Variants in EPB41L1 observed in about 807,000 individuals in gnomAD.
The protein encoded by EPB41L1 is erythrocyte membrane protein band 4.1 like 1.
A neutral mutation model predicts 97.8 loss-of-function variants in EPB41L1; 29 were observed. The ratio of observed to expected loss-of-function variants is 0.30; its 90% CI spans 0.22 to 0.40. The LOEUF (loss-of-function observed/expected upper bound fraction) is 0.40, where lower values mean the gene tolerates loss of function less well. Among genes scored for constraint, EPB41L1 ranks in the 10% least tolerant of loss-of-function variants. The probability of loss-of-function intolerance (pLI) is 1.00; values close to 1 mark genes in which losing one functional copy is unlikely to be tolerated. For missense variants in EPB41L1, 812 were observed against 1,162.3 expected (o/e 0.70, Z 4.38); for synonymous variants, 383 against 459.2 (o/e 0.83, Z 2.12).
At chr20:36,144,667 G>T (rs2145367525) in intron 2 of EPB41L1, among the ~76,000 whole-genome samples, 1 of 152,262 alleles carries the variant, frequency 6.6e-6, no homozygotes, top group South Asian at 2.1e-4. Flanking sequence ...GAGTGGGCCT[G>T]GGAATATTAT....
chr20:36,190,476 C>G lies in EPB41L1; in HGVS notation c.1124+102C>G. The G allele has an allele frequency of 6.6e-7, 1 of 1,514,886 alleles. No individual in the cohort carries two copies. The allele number at this position is 1,514,886 out of a possible 1,614,324, so 93.8% of individuals were successfully genotyped here. On this transcript the variant is annotated intron_variant, in intron 10 of 21. Transcript: ENST00000338074. This position sits in a 1 kb window ranked among gnomAD's most constrained non-coding sequence, Gnocchi z 5.8. ...GTGAGAACTCTAGGAAAGTCCTCCA[C>G]CCTTTCCCCAAGTCCCTCCCTTCCT...
intron 14 of EPB41L1, among the ~76,000 whole-genome samples, chr20:36,198,275 T>C (rs1264292217): frequency 6.6e-6 from 1 of 152,210 alleles, no homozygotes; most frequent in Non-Finnish European, 1.5e-5. Context: ...TCATGGTAGC[T>C]TGGCGTACTC....
chr20:36,162,164 G>T (rs2060560099), intron 1 of EPB41L1, among the ~76,000 whole-genome samples: 2 of 152,336 alleles, frequency 1.3e-5, no homozygotes, highest in Admixed American at 1.3e-4. Flanking sequence ...TGTGGCATCA[G>T]GATTCCAGCT....
intron 2 of EPB41L1, among the ~76,000 whole-genome samples, chr20:36,120,704 G>A (rs1055918351): frequency 1.3e-5 from 2 of 152,124 alleles, no homozygotes; most frequent in Middle Eastern, 3.4e-3. Context: ...GATTTAGTCC[G>A]CAAATTTTTA....
At chr20:36,122,682 G>C (rs1184281666) in intron 2 of EPB41L1, 1 of 152,374 alleles carries the variant, frequency 6.6e-6, no homozygotes, top group East Asian at 1.9e-4. Flanking sequence ...TCTCAAGGGA[G>C]GCTTCCTGGG....
chr20:36,122,972 G>A (rs994306579), intron 2 of EPB41L1, among the ~76,000 whole-genome samples: 3 of 151,994 alleles, frequency 2.0e-5, no homozygotes, highest in Non-Finnish European at 2.9e-5. Flanking sequence ...TGGAGATGTC[G>A]ATAGGATCAG....
intron 5 of EPB41L1, among the ~76,000 whole-genome samples, chr20:36,181,933 A>G (rs565164262): frequency 2.0e-4 from 31 of 152,292 alleles, no homozygotes; most frequent in Admixed American, 1.6e-3. Flanking sequence ...CAGTGTCTTC[A>G]TCTATAAAAT....
At position 36,221,916 on chromosome 20, in the gene EPB41L1, C is replaced by T; in HGVS notation, c.2492C>T (p.Thr831Ile). 1 of 1,614,144 alleles carries T rather than the reference C, an allele frequency of 6.2e-7. No homozygotes were observed. Among genetic ancestry groups the T allele is most frequent in the Non-Finnish European group, 8.5e-7 (1 of 1,180,028 alleles). Residue 831 changes from threonine to isoleucine, a missense_variant, in exon 20 of 22, where the codon ACT becomes ATT. Thr to Ile is a moderately conservative substitution (Grantham distance 89). Around this residue, in one of 3 missense-constraint regions of EPB41L1, gnomAD observed 498 missense variants for 622.7 expected, o/e 0.80. Transcript: ENST00000338074. ...AGGATCGAGAAGCGAATCATCATTACTGGGGATGAAGATGTCGATCAAGAC... is the reference window on the plus strand; with the variant it reads ...AGGATCGAGAAGCGAATCATCATTATTGGGGATGAAGATGTCGATCAAGAC... The part of the protein sequence containing the change: ...ETRIEKRIII[T>I]GDEDVDQDQA...
intron 1 of EPB41L1, among the ~76,000 whole-genome samples, chr20:36,102,676 G>C (rs2058057598): frequency 6.6e-6 from 1 of 152,130 alleles, no homozygotes; most frequent in Non-Finnish European, 1.5e-5. Context: ...CACCACTGGG[G>C]GGACCTCCCA....
chr20:36,200,793 C>T, intron 14 of EPB41L1: 9 of 428,852 alleles, frequency 2.1e-5, no homozygotes, highest in Admixed American at 1.3e-4. Context: ...TACTTTTTCT[C>T]TTTCCCTCTC....
Position 36,115,665 on chromosome 20 carries a change from G to A in EPB41L1, c.-10+3185G>A, listed in dbSNP as rs1600381050. On this transcript the variant is annotated intron_variant, in intron 2 of 19. Transcript: ENST00000202028. ...CCAGCACTTTGGGAGGCCGAGGCAGGTGGATCAATTGAGGTCGGGAGTTTG... is the reference window on the plus strand; with the variant it reads ...CCAGCACTTTGGGAGGCCGAGGCAGATGGATCAATTGAGGTCGGGAGTTTG... 3.3e-5 allele frequency among the ~76,000 whole-genome samples: 5 copies of A among 152,300 alleles called. No individual in the cohort carries two copies. The South Asian group carries it at 1.0e-3, about 32-fold the overall frequency.
intron 1 of EPB41L1, among the ~76,000 whole-genome samples, chr20:36,104,189 G>C (rs143480827): frequency 3.4e-4 from 52 of 152,256 alleles, no homozygotes; most frequent in African/African-American, 1.2e-3. Flanking sequence ...GTGAGTTGAG[G>C]GGGGAGTCAT....
At chr20:36,113,408 TTGTGTG>T (rs3057822) in intron 2 of EPB41L1, among the ~76,000 whole-genome samples, 1,838 of 143,534 alleles carry the variant, frequency 0.013, 10 homozygotes, top group Middle Eastern at 0.028. Context: ...AACTTTCCAT[TTGTGTG>T]TGTGTGTGTG....
intron 1 of EPB41L1, among the ~76,000 whole-genome samples, chr20:36,171,905 CAG>C (rs773323790): frequency 3.3e-5 from 5 of 152,058 alleles, no homozygotes; most frequent in Non-Finnish European, 7.4e-5. Context: ...GGCCTGGACT[CAG>C]GGGTGAGGGT....
intron 9 of EPB41L1, 122 bp downstream of exon 9, chr20:36,188,621 CACACACACACACACACACACAGAGAG>C (rs2061791168): frequency 1.3e-5 from 9 of 672,602 alleles, no homozygotes; most frequent in East Asian, 1.2e-4. Flanking sequence ...CACACACACA[CACACACACACACACACACACAGAGAG>C]AGAGAGAGAG....
At position 36,209,346 on chromosome 20, in the gene EPB41L1, T is replaced by G; in HGVS notation, c.1669-142T>G. On this transcript the variant is annotated intron_variant, in intron 14 of 21. Coordinates refer to ENST00000338074, the MANE Select transcript of EPB41L1 (RefSeq NM_012156.2). This position sits in a 1 kb window ranked among gnomAD's most constrained non-coding sequence, Gnocchi z 4.2. Reference sequence around the variant, plus strand: ...TGATTTCAAGGAACCTTTCCTGGGGTGTTTTTCATTTCCTGGCCTGCTCTT... The same window carrying G: ...TGATTTCAAGGAACCTTTCCTGGGGGGTTTTTCATTTCCTGGCCTGCTCTT... 1 of 672,762 alleles carries G rather than the reference T, an allele frequency of 1.5e-6. No individual in the cohort carries two copies. The highest frequency in any genetic ancestry group is 2.3e-6 in the Non-Finnish European group (1 of 442,106). The allele number at this position is 672,762 out of a possible 1,614,324, so 41.7% of individuals were successfully genotyped here. A position where few individuals can be genotyped will look rare whatever the true frequency, so the allele number is the denominator to read the frequency against.
chr20:36,110,300 CAG>C (rs1306629743), intron 1 of EPB41L1, among the ~76,000 whole-genome samples: 2 of 152,154 alleles, frequency 1.3e-5, no homozygotes, highest in Non-Finnish European at 1.5e-5. Flanking sequence ...ATGAGAGAGA[CAG>C]AGCAAGAGGG....
intron 17 of EPB41L1, among the ~76,000 whole-genome samples, chr20:36,216,946 C>G (rs969285309): frequency 6.6e-6 from 1 of 152,164 alleles, no homozygotes; most frequent in Non-Finnish European, 1.5e-5. Context: ...GCCAATGGTT[C>G]TCAAAATGTG....
chr20:36,208,048 C>G (rs2062925084), intron 14 of EPB41L1, among the ~76,000 whole-genome samples: 1 of 152,188 alleles, frequency 6.6e-6, no homozygotes, highest in African/African-American at 2.4e-5. Flanking sequence ...GGTCACACAA[C>G]CCCCATGGAG....
Sources: allele counts gnomAD v4.1 joint callset (sites outside exome capture counted in the v4.1 genomes callset), GRCh38; gene constraint gnomAD v4.1.1; regional missense constraint gnomAD v4.1.1; non-coding constraint Gnocchi (gnomAD v3.1); transcripts MANE v1.5; gene names NCBI Gene and HGNC (gene_info 2026-07-23, HGNC 2026-07-21).